RNF32: variants seen among roughly 807,000 people sequenced by gnomAD.
RNF32 encodes ring finger protein 32.
A neutral mutation model predicts 41.0 loss-of-function variants in RNF32; 36 were observed. The observed-to-expected ratio is 0.88, with a 90% confidence interval of 0.67 to 1.16. The LOEUF (loss-of-function observed/expected upper bound fraction) is 1.16. Among genes scored for constraint, RNF32 ranks in the 50% most tolerant of loss-of-function variants. The probability of loss-of-function intolerance (pLI) is 0.00; values close to 1 mark genes in which losing one functional copy is unlikely to be tolerated. For synonymous variants in RNF32, 154 were observed against 160.9 expected, an observed-to-expected ratio of 0.96 and a Z score of 0.32; for missense variants, 413 against 436.7, an observed-to-expected ratio of 0.95 and a Z score of 0.48.
intron 3 of RNF32, among the ~76,000 whole-genome samples, chr7:156,645,034 T>C (rs1280833554): frequency 6.6e-6 from 1 of 151,968 alleles, no homozygotes; most frequent in African/African-American, 2.4e-5. Context: ...ATTGAGTAAA[T>C]AAATGATGGA....
At position 156,675,783 on chromosome 7, in the gene RNF32, A is replaced by C. The variant is rs200889939; in HGVS notation, c.772A>C (p.Asn258His). 1.9e-6 allele frequency: 3 copies of C among 1,614,010 alleles called. No homozygotes were observed. The highest frequency in any genetic ancestry group is 2.7e-5 in the African/African-American group (2 of 74,910). ...FAEIDQCLAI[N>H]RSVLQQLEEK... The stretch of plus-strand genomic sequence containing the variant: ...AGAAATCGATCAGTGCTTGGCCATA[A>C]ATCGAAGTGTTCTTCAGCAGTTGGA... The change falls in exon 8 of 9, where the codon AAT (asparagine) becomes CAT (histidine). Residue 258 changes from asparagine (N) to histidine (H), a missense_variant. Asn to His is a moderately conservative substitution (Grantham distance 68, BLOSUM62 1). Coordinates refer to ENST00000317955, the MANE Select transcript of RNF32 (RefSeq NM_030936.4).
intron 1 of RNF32, among the ~76,000 whole-genome samples, chr7:156,641,822 T>C (rs1390572841): frequency 2.6e-5 from 4 of 152,164 alleles, no homozygotes; most frequent in Non-Finnish European, 1.5e-5. Context: ...TTCCACCATT[T>C]CTCCAAGTTC....
chr7:156,664,501 A>G (rs1475612777), intron 7 of RNF32, among the ~76,000 whole-genome samples: 4 of 152,150 alleles, frequency 2.6e-5, no homozygotes, highest in African/African-American at 7.2e-5. Flanking sequence ...GCAAGAGCAC[A>G]CTAGGTGGTA....
rs1801448184 is a variant in RNF32, at chr7:156,667,119, C to T, written c.684+8549C>T. Among the ~76,000 whole-genome samples the T allele has an allele frequency of 1.3e-5, 2 of 152,166 alleles. 1 individual carries two copies. The highest frequency in any genetic ancestry group is 4.1e-4 in the South Asian group (2 of 4,834). ...CATAGAGATGGCAAACATTCTGTTG[C>T]TAACTTGAAGTGGCTCCAAGCAGCA... On this transcript the variant is annotated intron_variant, in intron 7 of 8. Coordinates refer to ENST00000317955, the MANE Select transcript of RNF32 (RefSeq NM_030936.4).
chr7:156,658,230 T>C lies in RNF32; in HGVS notation c.553T>C (p.Phe185Leu). 6.2e-7 allele frequency: 1 copy of C among 1,614,164 alleles called. No individual in the cohort carries two copies. The highest frequency in any genetic ancestry group is 1.1e-5 in the South Asian group (1 of 91,086). ...TRVIHDGARL[F>L]RIKCVTRIQA... The stretch of plus-strand genomic sequence containing the variant: ...AGTGATACACGATGGGGCCCGCCTG[T>C]TCAGAATCAAGTGTGTGACCAGGTG... The change falls in exon 6 of 9, where the codon TTC becomes CTC. Residue 185 changes from phenylalanine (F) to leucine (L), a missense_variant. Transcript: ENST00000317955.
At chr7:156,673,603 C>A (rs1563099659) in intron 7 of RNF32, among the ~76,000 whole-genome samples, 1 of 152,158 alleles carries the variant, frequency 6.6e-6, no homozygotes, top group Non-Finnish European at 1.5e-5. Context: ...TCCCAAAACA[C>A]AGGTGCCTGG....
At position 156,676,675 on chromosome 7, in the gene RNF32, T is replaced by A; in HGVS notation, c.*20T>A. 1 of 1,593,076 alleles carries A rather than the reference T, an allele frequency of 6.3e-7. No individual in the cohort carries two copies. Among genetic ancestry groups the A allele is most frequent in the Non-Finnish European group, 8.6e-7 (1 of 1,162,406 alleles). On this transcript the variant is annotated 3_prime_UTR_variant, in exon 9 of 9. Coordinates refer to ENST00000317955, the MANE Select transcript of RNF32 (RefSeq NM_030936.4). ...TGTTGAATTCATAGTCAAGGAAAGT[T>A]AGGTAATTCTGAGGAAAAAAGTTTA... is the stretch of plus-strand genomic sequence containing the variant.
intron 4 of RNF32, 161 bp from the exon 5 acceptor site, chr7:156,657,380 T>A: frequency 1.5e-6 from 1 of 670,820 alleles, no homozygotes; most frequent in Non-Finnish European, 2.7e-6. Flanking sequence ...ATACTTGTGC[T>A]GTGCTAAACA....
chr7:156,641,274 T>C (rs1160348367), intron 1 of RNF32, among the ~76,000 whole-genome samples: 1 of 152,210 alleles, frequency 6.6e-6, no homozygotes, highest in African/African-American at 2.4e-5. Flanking sequence ...CTTTACGTCG[T>C]AGGCTTGGTC....
At chr7:156,657,328 TATTTG>T in intron 4 of RNF32, 2 of 572,808 alleles carry the variant, frequency 3.5e-6, no homozygotes, top group Non-Finnish European at 6.2e-6. Context: ...TTCATGTGTT[TATTTG>T]ATATTTCAGA....
intron 4 of RNF32, 118 bp downstream of exon 4, chr7:156,654,836 C>G: frequency 4.7e-6 from 4 of 857,306 alleles, no homozygotes; most frequent in Non-Finnish European, 5.5e-6. Context: ...CCTGTGTGAG[C>G]CTCACACACT....
intron 7 of RNF32, among the ~76,000 whole-genome samples, chr7:156,664,745 TC>T (rs1224674160): frequency 6.6e-6 from 1 of 152,220 alleles, no homozygotes; most frequent in Admixed American, 6.5e-5. Context: ...AAAGTCATCA[TC>T]ATCCTCAGAT....
intron 3 of RNF32, among the ~76,000 whole-genome samples, chr7:156,648,026 TTTG>T (rs1798204082): frequency 8.5e-6 from 1 of 117,364 alleles, no homozygotes; most frequent in Admixed American, 8.3e-5. Flanking sequence ...GATGGGATTA[TTTG>T]TTTTTTTTTT....
intron 3 of RNF32, among the ~76,000 whole-genome samples, chr7:156,649,777 A>C (rs1407195969): frequency 1.3e-5 from 2 of 152,136 alleles, no homozygotes; most frequent in Non-Finnish European, 2.9e-5. Context: ...CTACTTGCCC[A>C]CGGTGTTTTT....
At position 156,669,317 on chromosome 7, in the gene RNF32, G is replaced by C. The variant is rs1381992228; in HGVS notation, c.685-6379G>C. ...GGAGAGACAAATAATAAAATATTTT[G>C]TTACAATTTTCAAGAATAAGTGCCA... On this transcript the variant is annotated intron_variant, in intron 7 of 8. Transcript: ENST00000317955. The surrounding 1 kb of genome is among the most constrained non-coding windows in gnomAD (Gnocchi z 4.2). 6.6e-6 allele frequency: 1 copy of C among 152,182 alleles called. No individual in the cohort carries two copies. Among genetic ancestry groups the C allele is most frequent in the Non-Finnish European group, 1.5e-5 (1 of 68,036 alleles). The allele number at this position is 152,182 out of a possible 1,614,324, so 9.4% of individuals were successfully genotyped here.
chr7:156,641,441 G>A (rs1217050932), intron 1 of RNF32, among the ~76,000 whole-genome samples: 1 of 152,170 alleles, frequency 6.6e-6, no homozygotes, highest in East Asian at 1.9e-4. Context: ...TACTGGGCAA[G>A]GGTTACGTTT....
At chr7:156,650,286 A>G (rs541249282) in intron 3 of RNF32, among the ~76,000 whole-genome samples, 1 of 152,324 alleles carries the variant, frequency 6.6e-6, no homozygotes, top group South Asian at 2.1e-4. Flanking sequence ...AGGAGCCAGA[A>G]AGGCAGGGGA....
chr7:156,648,813 T>G (rs1798316643), intron 3 of RNF32, among the ~76,000 whole-genome samples: 1 of 152,238 alleles, frequency 6.6e-6, no homozygotes, highest in Non-Finnish European at 1.5e-5. Context: ...ATCTATTGTT[T>G]TATATTGAAT....
chr7:156,676,307 G>A (rs550976049), intron 8 of RNF32, 112 bp from the exon 9 acceptor site: 35 of 1,608,102 alleles, frequency 2.2e-5, no homozygotes, highest in South Asian at 6.6e-5. Flanking sequence ...TGAAACTTCC[G>A]CATGTTTCGA....
Sources: gnomAD v4.1 joint callset for allele counts (sites outside exome capture counted in the v4.1 genomes callset) on GRCh38, gnomAD v4.1.1 for gene constraint, Gnocchi (gnomAD v3.1) non-coding constraint, MANE v1.5 for transcripts, NCBI Gene and HGNC (gene_info 2026-07-23, HGNC 2026-07-21) for gene names.